SYT1: variants seen among roughly 807,000 people sequenced by gnomAD.
SYT1 encodes synaptotagmin 1.
In SYT1, 8 loss-of-function variants were observed where a neutral mutation model predicts 44.8. The ratio of observed to expected loss-of-function variants is 0.18; its 90% CI spans 0.10 to 0.32. The LOEUF is 0.32. Among genes scored for constraint, SYT1 ranks in the 10% least tolerant of loss-of-function variants. The pLI, the probability that SYT1 is intolerant of heterozygous loss-of-function variation, is 1.00. For missense variants in SYT1, 286 were observed against 509.3 expected (o/e 0.56, Z 4.22); for synonymous variants, 154 against 188.8 (o/e 0.82, Z 1.51).
chr12:79,357,137 C>A (rs1044377737), intron 9 of SYT1, among the ~76,000 whole-genome samples: 3 of 152,104 alleles, frequency 2.0e-5, no homozygotes, highest in African/African-American at 7.2e-5. Flanking sequence ...AGGTTATTTC[C>A]TTCCTGCAGT....
chr12:79,300,150 G>A (rs1372605467), intron 8 of SYT1, among the ~76,000 whole-genome samples: 1 of 152,050 alleles, frequency 6.6e-6, no homozygotes, highest in Non-Finnish European at 1.5e-5. Context: ...GTTTAGCCCA[G>A]TATTTTTCCA....
At chr12:79,133,005 A>G (rs1213874391) in intron 3 of SYT1, among the ~76,000 whole-genome samples, 1 of 152,216 alleles carries the variant, frequency 6.6e-6, no homozygotes, top group East Asian at 1.9e-4. Context: ...AAAGATAAAT[A>G]TCACATGTTC....
chr12:79,126,211 C>A (rs973978166), intron 3 of SYT1, among the ~76,000 whole-genome samples: 2 of 152,062 alleles, frequency 1.3e-5, no homozygotes, highest in African/African-American at 4.8e-5. Context: ...AGTATGTAAC[C>A]CATATATATG....
intron 4 of SYT1, among the ~76,000 whole-genome samples, chr12:79,246,312 G>T (rs182632122): frequency 2.0e-5 from 3 of 152,070 alleles, no homozygotes; most frequent in African/African-American, 7.2e-5. Context: ...CATCAGCTTC[G>T]CATGTGTGAA....
At chr12:78,963,804 A>G (rs991892391) in intron 1 of SYT1, among the ~76,000 whole-genome samples, 1 of 152,178 alleles carries the variant, frequency 6.6e-6, no homozygotes, top group African/African-American at 2.4e-5. Context: ...TATATGATTC[A>G]GTAATATCAC....
chr12:79,290,746 T>C (rs1055061825), intron 5 of SYT1, among the ~76,000 whole-genome samples: 9 of 152,162 alleles, frequency 5.9e-5, no homozygotes, highest in Non-Finnish European at 1.3e-4. Context: ...ATAATTGTGA[T>C]ATATAACACA....
Position 79,351,997 on chromosome 12 carries a change from A to G in SYT1, c.811-1505A>G, listed in dbSNP as rs1402190632. 2.6e-5 allele frequency among the ~76,000 whole-genome samples: 4 copies of G among 152,138 alleles called. No individual in the cohort carries two copies. In the East Asian group the frequency reaches 7.7e-4, roughly 29 times the overall value. ...AGAGTTCTTGGTAACATAGAGATGTATGGTAAAATGCTATGGGGACTCAAG... is the reference window on the plus strand; with the variant it reads ...AGAGTTCTTGGTAACATAGAGATGTGTGGTAAAATGCTATGGGGACTCAAG... On this transcript the variant is annotated intron_variant, in intron 8 of 10. Transcript: ENST00000261205.
At position 79,307,976 on chromosome 12, in the gene SYT1, A is replaced by G. The variant is rs1880497168; in HGVS notation, c.810+8425A>G. 2.6e-5 allele frequency among the ~76,000 whole-genome samples: 4 copies of G among 152,214 alleles called. No homozygotes were observed. In the South Asian group the frequency reaches 8.3e-4, roughly 32 times the overall value. ...GGAGAAGGCCTCGAAGAGTGCTGAA[A>G]TGAAAGGTGAACCTCATGGGCTGAG... On this transcript the variant is annotated intron_variant, in intron 8 of 10. Transcript: ENST00000261205.
intron 4 of SYT1, among the ~76,000 whole-genome samples, chr12:79,231,353 A>T (rs1234314240): frequency 1.3e-5 from 2 of 152,162 alleles, no homozygotes; most frequent in Non-Finnish European, 2.9e-5. Context: ...AAGATTAAGA[A>T]AATATTGGCC....
intron 9 of SYT1, among the ~76,000 whole-genome samples, chr12:79,358,031 T>C (rs1361694142): frequency 6.6e-6 from 1 of 152,196 alleles, no homozygotes; most frequent in Non-Finnish European, 1.5e-5. Context: ...CAGAGACTAA[T>C]CAGATACGTT....
intron 4 of SYT1, among the ~76,000 whole-genome samples, chr12:79,271,440 T>C (rs559243759): frequency 2.5e-4 from 38 of 152,268 alleles, no homozygotes; most frequent in African/African-American, 8.4e-4. Context: ...TAGATTTCAT[T>C]TGAAAAATGT....
At chr12:78,993,036 C>A (rs190617087) in intron 2 of SYT1, among the ~76,000 whole-genome samples, 1 of 152,254 alleles carries the variant, frequency 6.6e-6, no homozygotes, top group East Asian at 1.9e-4. Context: ...TTGTCAGCAA[C>A]AAGATGGCAA....
At chr12:79,410,238 A>C (rs931697849) in intron 9 of SYT1, among the ~76,000 whole-genome samples, 1 of 152,126 alleles carries the variant, frequency 6.6e-6, no homozygotes, top group Non-Finnish European at 1.5e-5. Context: ...TACAAATTAC[A>C]TTGTCTTAAT....
At chr12:79,356,918 C>T (rs752529906) in intron 9 of SYT1, among the ~76,000 whole-genome samples, 5 of 151,984 alleles carry the variant, frequency 3.3e-5, no homozygotes, top group African/African-American at 4.8e-5. Context: ...GGGAAAGCAA[C>T]CAATGGATGA....
chr12:78,999,259 T>C (rs1346937238), intron 2 of SYT1, among the ~76,000 whole-genome samples: 1 of 152,182 alleles, frequency 6.6e-6, no homozygotes, highest in African/African-American at 2.4e-5. Context: ...ATTTGCAACA[T>C]TCTCTCTAGA....
chr12:79,021,097 A>G lies in SYT1; in HGVS notation c.-83-26200A>G, dbSNP rs563958572. 2.6e-5 allele frequency among the ~76,000 whole-genome samples: 4 copies of G among 151,970 alleles called. No individual in the cohort carries two copies. The East Asian group carries it at 7.8e-4, about 30-fold the overall frequency. On this transcript the variant is annotated intron_variant, in intron 2 of 10. Coordinates refer to ENST00000261205, the MANE Select transcript of SYT1 (RefSeq NM_005639.3). ...CCTACATCAGAAAAGAGGCCAAAAA[A>G]AGAAAACCAAACTGAAGCAAAGCTC... is the stretch of plus-strand genomic sequence containing the variant.
intron 2 of SYT1, among the ~76,000 whole-genome samples, chr12:78,997,927 T>C (rs1214699846): frequency 1.3e-5 from 2 of 152,170 alleles, no homozygotes; most frequent in African/African-American, 4.8e-5. Flanking sequence ...GTGCCTGAAA[T>C]GACTTTACAA....
At chr12:79,308,169 C>A (rs947804565) in intron 8 of SYT1, among the ~76,000 whole-genome samples, 4 of 152,280 alleles carry the variant, frequency 2.6e-5, no homozygotes, top group Non-Finnish European at 2.9e-5. Flanking sequence ...CAATATGAAG[C>A]AGAATCTGAA....
At chr12:79,016,707 A>G (rs1266753212) in intron 2 of SYT1, among the ~76,000 whole-genome samples, 1 of 152,130 alleles carries the variant, frequency 6.6e-6, no homozygotes. Context: ...GTTACTAATG[A>G]TGTCATGGAG....
Sources: allele counts gnomAD v4.1 joint callset (sites outside exome capture counted in the v4.1 genomes callset), GRCh38; gene constraint gnomAD v4.1.1; transcripts MANE v1.5; gene names NCBI Gene and HGNC (gene_info 2026-07-23, HGNC 2026-07-21).